The following NAALADL1 variants were observed in gnomAD, a reference collection of about 807,000 sequenced individuals.
NAALADL1 encodes the protein aminopeptidase NAALADL1.
Under a neutral mutation model 82.8 loss-of-function variants are expected in NAALADL1, and 77 were observed. The observed-to-expected ratio is 0.93, with a 90% CI of 0.77 to 1.12. NAALADL1 has a LOEUF of 1.12. Ranked by LOEUF, NAALADL1 falls within the 50% of genes most tolerant of loss-of-function variation. NAALADL1 has a pLI of 0.00. For missense variants in NAALADL1, 956 were observed against 964.0 expected, an observed-to-expected ratio of 0.99 and a Z score of 0.11; for synonymous variants, 358 against 399.2, an observed-to-expected ratio of 0.90 and a Z score of 1.23.
Position 65,047,557 on chromosome 11 carries a change from G to T in NAALADL1, c.1517C>A (p.Ser506Tyr). The change falls in exon 13 of 18, where the codon TCT becomes TAT. Residue 506 changes from serine to tyrosine, a missense_variant. Transcript: ENST00000358658. ...TGCATAGTCGCTGCCAGCACCCAGA[G>T]AACCCAAGCTGCGGGAAGGAAGGGG... ...PVYGLVPSLGSLGAGSDYAPF... is the reference protein window; with the variant it reads ...PVYGLVPSLGYLGAGSDYAPF... 1.9e-6 allele frequency: 3 copies of T among 1,572,568 alleles called. No homozygotes were observed. In the South Asian group the frequency reaches 3.5e-5, roughly 18 times the overall value.
Position 65,058,182 on chromosome 11 carries a change from TGCA to T in NAALADL1, c.251_253del (p.Leu84del), listed in dbSNP as rs757784817. ...GCCTGACTCTGGGTCCTTCCAGCGC[TGCA>T]GCAGCAGCTGCACCAGGTCCTCATC... is the stretch of plus-strand genomic sequence containing the variant. On this transcript the variant is annotated inframe_deletion, in exon 2 of 18. Coordinates refer to ENST00000358658, the MANE Select transcript of NAALADL1 (RefSeq NM_005468.3). The T allele has an allele frequency of 3.1e-6, 5 of 1,613,736 alleles. No homozygotes were observed. Among genetic ancestry groups the T allele is most frequent in the Non-Finnish European group, 3.4e-6 (4 of 1,179,896 alleles).
intron 12 of NAALADL1, 40 bp from the exon 13 acceptor site, chr11:65,047,605 C>T: frequency 6.3e-7 from 1 of 1,579,604 alleles, no homozygotes; most frequent in Non-Finnish European, 8.6e-7. Flanking sequence ...AGCGCTGGGC[C>T]GGACCGCCTC....
rs544111222 is a variant in NAALADL1, at chr11:65,053,329, C to T, written c.1087G>A (p.Val363Met). The T allele has an allele frequency of 5.7e-5, 89 of 1,572,106 alleles. 1 individual carries two copies. The Middle Eastern group carries it at 1.9e-3, about 33-fold the overall frequency. ...IRGAVEPDRY[V>M]LYGNHRDSWV... The stretch of plus-strand genomic sequence containing the variant: ...CTGTCTCGGTGGTTCCCATACAGCA[C>T]GTAGCGATCTGGCCAGAGGAAAAGG... The change falls in exon 8 of 18, where the codon GTG (valine) becomes ATG (methionine). Residue 363 changes from valine to methionine, a missense_variant. Val to Met is a conservative substitution (Grantham distance 21). Coordinates refer to ENST00000358658, the MANE Select transcript of NAALADL1 (RefSeq NM_005468.3). This position sits in a 1 kb window ranked among gnomAD's most constrained non-coding sequence, Gnocchi z 4.3.
Position 65,044,976 on chromosome 11 carries a change from G to A in NAALADL1, c.*295C>T. 1 of 618,124 alleles carries A rather than the reference G, an allele frequency of 1.6e-6. No homozygotes were observed. The highest frequency in any genetic ancestry group is 2.8e-6 in the Non-Finnish European group (1 of 358,572). 38.3% of individuals were successfully genotyped at this position (618,124 alleles called of 1,614,324 possible). ...TCCTTGGCCTTGATGACCTGAGTTG[G>A]CATCTGAGGTTGGCACGCATCCCAT... is the stretch of plus-strand genomic sequence containing the variant. On this transcript the variant is annotated 3_prime_UTR_variant, in exon 18 of 18. Coordinates refer to ENST00000358658, the MANE Select transcript of NAALADL1 (RefSeq NM_005468.3). This position sits in a 1 kb window ranked among gnomAD's most constrained non-coding sequence, Gnocchi z 4.0.
rs888169183 is a variant in NAALADL1 at position 65,045,734 on chromosome 11, G to A, written c.2036+88C>T. 9.9e-6 allele frequency: 13 copies of A among 1,308,128 alleles called. No individual in the cohort carries two copies. In the Admixed American group the frequency reaches 2.1e-4, roughly 21 times the overall value. 81.0% of individuals were successfully genotyped at this position (1,308,128 alleles called of 1,614,324 possible). ...CAGGGGCTGGGTTGCACTCTAAAGG[G>A]CAGAGAAGCTGACCACCTCGTCTCA... On this transcript the variant is annotated intron_variant, in intron 17 of 17. Coordinates refer to ENST00000358658, the MANE Select transcript of NAALADL1 (RefSeq NM_005468.3).
At chr11:65,048,616 G>A (rs937741436) in intron 8 of NAALADL1, 14 of 573,590 alleles carry the variant, frequency 2.4e-5, no homozygotes, top group Non-Finnish European at 4.1e-5. Context: ...AATGCCTACT[G>A]CCCCTCTCTC....
In NAALADL1 at chr11:65,054,151, G is replaced by A; in HGVS notation, c.992+99C>T. The A allele has an allele frequency of 9.3e-7, 1 of 1,076,570 alleles. No homozygotes were observed. The highest frequency in any genetic ancestry group is 1.4e-6 in the Non-Finnish European group (1 of 727,096). 66.7% of individuals were successfully genotyped at this position (1,076,570 alleles called of 1,614,324 possible). ...AGAGAGAGGAAAGGGAAAAAGGTCA[G>A]GCTTTGAAGTGGAAAGAGGGAACAT... On this transcript the variant is annotated intron_variant, in intron 6 of 17. Coordinates refer to ENST00000358658, the MANE Select transcript of NAALADL1 (RefSeq NM_005468.3). This position sits in a 1 kb window ranked among gnomAD's most constrained non-coding sequence, Gnocchi z 4.3.
At chr11:65,046,753 T>G (rs1425628256) in intron 13 of NAALADL1, among the ~76,000 whole-genome samples, 1 of 152,174 alleles carries the variant, frequency 6.6e-6, no homozygotes, top group East Asian at 1.9e-4. Flanking sequence ...AGTTTCCAGT[T>G]TCACAGAAAG....
At position 65,057,900 on chromosome 11, in the gene NAALADL1, G is replaced by T. The variant is rs778146385; in HGVS notation, c.455C>A (p.Ala152Asp). ...CTGTGGGGTTCCAGAAGGAGCATAG[G>T]CAGCATAGGGTTGTACCACATCTGG... ...GGPDVVQPYA[A>D]YAPSGTPQGL... is the part of the protein sequence containing the mutation. The change falls in exon 3 of 18, where the codon GCC (alanine) becomes GAC (aspartate). Residue 152 changes from alanine (A) to aspartate (D), a missense_variant. Physicochemically the swap from Ala to Asp is moderately radical, Grantham distance 126. Coordinates refer to ENST00000358658, the MANE Select transcript of NAALADL1 (RefSeq NM_005468.3). 3 of 1,613,950 alleles carry T rather than the reference G, an allele frequency of 1.9e-6. No homozygotes were observed. In the East Asian group the frequency reaches 6.7e-5, roughly 36 times the overall value.
rs1472525427 is a variant in NAALADL1, at chr11:65,053,364, C to T, written c.1079-27G>A. ...TGGCCAGAGGAAAAGGGGCAGAGAACCAGAGGAGAGGGAGAGGTGGGCAGG... is the reference window on the plus strand; with the variant it reads ...TGGCCAGAGGAAAAGGGGCAGAGAATCAGAGGAGAGGGAGAGGTGGGCAGG... On this transcript the variant is annotated intron_variant, in intron 7 of 17. Transcript: ENST00000358658. The surrounding 1 kb of genome is among the most constrained non-coding windows in gnomAD (Gnocchi z 4.3). 3 of 1,604,210 alleles carry T rather than the reference C, an allele frequency of 1.9e-6. No individual in the cohort carries two copies. The highest frequency in any genetic ancestry group is 2.6e-6 in the Non-Finnish European group (3 of 1,175,520).
upstream of NAALADL1, among the ~76,000 whole-genome samples, chr11:65,059,961 C>T (rs1947149946): frequency 6.6e-6 from 1 of 152,190 alleles, no homozygotes; most frequent in Non-Finnish European, 1.5e-5. Flanking sequence ...TCTTCCAGAC[C>T]TCACGGAGAG....
intron 8 of NAALADL1, among the ~76,000 whole-genome samples, chr11:65,049,537 G>C (rs1378266634): frequency 1.3e-5 from 2 of 152,168 alleles, no homozygotes; most frequent in African/African-American, 4.8e-5. Context: ...GATCACTAGT[G>C]TGATCCTGGA....
At chr11:65,055,810 T>C (rs1287542939) in intron 4 of NAALADL1, among the ~76,000 whole-genome samples, 1 of 152,126 alleles carries the variant, frequency 6.6e-6, no homozygotes, top group Non-Finnish European at 1.5e-5. Flanking sequence ...TTTCCTTTTT[T>C]CCCTTTCTTT....
At chr11:65,059,135 C>T (rs1187858203), upstream of NAALADL1, among the ~76,000 whole-genome samples, 1 of 152,092 alleles carries the variant, frequency 6.6e-6, no homozygotes, top group Non-Finnish European at 1.5e-5. Context: ...GCATCGGCCT[C>T]CCGAGTAGCT....
rs1946686826 is a variant in NAALADL1, at chr11:65,045,066, C to T, written c.*205G>A. On this transcript the variant is annotated 3_prime_UTR_variant, in exon 18 of 18. Coordinates refer to ENST00000358658, the MANE Select transcript of NAALADL1 (RefSeq NM_005468.3). ...CATCCCATCCCTGTCCCCTGCTGCC[C>T]ACCCTCTGCCACCTAAGCACCAGGA... The T allele has an allele frequency of 1.5e-6, 1 of 648,056 alleles. No homozygotes were observed. The highest frequency in any genetic ancestry group is 2.6e-6 in the Non-Finnish European group (1 of 385,336). The allele number at this position is 648,056 out of a possible 1,614,324, so 40.1% of individuals were successfully genotyped here. A position where few individuals can be genotyped will look rare whatever the true frequency, so the allele number is the denominator to read the frequency against.
rs1946932209 is a variant in NAALADL1 at position 65,053,109 on chromosome 11, G to A, written c.1198+109C>T. 7.4e-7 allele frequency: 1 copy of A among 1,353,324 alleles called. No homozygotes were observed. The highest frequency in any genetic ancestry group is 9.9e-7 in the Non-Finnish European group (1 of 1,012,506). 83.8% of individuals were successfully genotyped at this position (1,353,324 alleles called of 1,614,324 possible). A position where few individuals can be genotyped will look rare whatever the true frequency, so the allele number is the denominator to read the frequency against. ...GGTGTCATGCATGTCTGCCCCCAGG[G>A]CCCTCAGGCATGGCACAAGGAGCAC... is the stretch of plus-strand genomic sequence containing the variant. On this transcript the variant is annotated intron_variant, in intron 8 of 17. Coordinates refer to ENST00000358658, the MANE Select transcript of NAALADL1 (RefSeq NM_005468.3). This position sits in a 1 kb window ranked among gnomAD's most constrained non-coding sequence, Gnocchi z 4.3.
chr11:65,056,649 C>A (rs959090774), intron 4 of NAALADL1, among the ~76,000 whole-genome samples: 2 of 150,772 alleles, frequency 1.3e-5, no homozygotes, highest in African/African-American at 2.4e-5. Flanking sequence ...TCAGGCAATC[C>A]GCCTGCCTTG....
rs774611218 is a variant in NAALADL1, at chr11:65,058,480, A to G, written c.42T>C (p.Ala14=). The G allele has an allele frequency of 1.1e-5, 18 of 1,611,390 alleles. No homozygotes were observed. In the South Asian group the frequency reaches 1.8e-4, roughly 16 times the overall value. The change falls in exon 1 of 18, where the codon GCT becomes GCC. Residue 14 remains alanine (A), a synonymous_variant. Coordinates refer to ENST00000358658, the MANE Select transcript of NAALADL1 (RefSeq NM_005468.3). ...TKVLGLGLGA[A]ALLGLGIILG... ...GGATGATCCCCAGCCCCAAGAGGGC[A>G]GCAGCCCCCAGCCCCAGCCCCAACA... is the stretch of plus-strand genomic sequence containing the variant.
rs890828986 is a variant in NAALADL1 at position 65,053,821 on chromosome 11, C to T, written c.993-245G>A. On this transcript the variant is annotated intron_variant, in intron 6 of 17. Coordinates refer to ENST00000358658, the MANE Select transcript of NAALADL1 (RefSeq NM_005468.3). The surrounding 1 kb of genome is among the most constrained non-coding windows in gnomAD (Gnocchi z 4.3). ...GACGGTGACAGATGTGGACCTGGTT[C>T]TCGTGGGGCCTCCCTCTCCTGAGTG... Among the ~76,000 whole-genome samples, 3 of 152,162 alleles carry T rather than the reference C, an allele frequency of 2.0e-5. No individual in the cohort carries two copies. Among genetic ancestry groups the T allele is most frequent in the African/African-American group, 7.2e-5 (3 of 41,426 alleles).
Sources: allele counts gnomAD v4.1 joint callset (sites outside exome capture counted in the v4.1 genomes callset), GRCh38; gene constraint gnomAD v4.1.1; non-coding constraint Gnocchi (gnomAD v3.1); transcripts MANE v1.5; gene names NCBI Gene and HGNC (gene_info 2026-07-23, HGNC 2026-07-21).